HIPK3: variants seen among roughly 807,000 people sequenced by gnomAD.
The protein encoded by HIPK3 is homeodomain interacting protein kinase 3, also known as homeodomain-interacting protein kinase 3.
A neutral mutation model predicts 124.2 loss-of-function variants in HIPK3; 47 were observed. That is an observed-to-expected ratio of 0.38 (90% CI 0.30 to 0.48). The LOEUF (loss-of-function observed/expected upper bound fraction) is 0.48. HIPK3 is among the 20% of genes least tolerant of loss of function. The pLI is 0.98. For synonymous variants in HIPK3, 482 were observed against 515.2 expected (o/e 0.94, Z 0.87); for missense variants, 1,286 against 1,454.3 (o/e 0.88, Z 1.88).
At chr11:33,325,154 A>T (rs1453945054) in intron 2 of HIPK3, among the ~76,000 whole-genome samples, 1 of 152,192 alleles carries the variant, frequency 6.6e-6, no homozygotes, top group Non-Finnish European at 1.5e-5. Flanking sequence ...TAGAAACTTG[A>T]CTTATTCATT....
chr11:33,313,774 G>A (rs1340140496), intron 2 of HIPK3, among the ~76,000 whole-genome samples: 1 of 152,174 alleles, frequency 6.6e-6, no homozygotes, highest in East Asian at 1.9e-4. Context: ...GAACCAGAGT[G>A]TCATTTTCTA....
chr11:33,335,563 G>C (rs1024845398), intron 3 of HIPK3: 7 of 152,112 alleles, frequency 4.6e-5, no homozygotes, highest in African/African-American at 2.4e-5. Context: ...GCAGTGTGTT[G>C]AGGTGTGAAT....
At chr11:33,324,726 T>C (rs1852761726) in intron 2 of HIPK3, among the ~76,000 whole-genome samples, 1 of 152,226 alleles carries the variant, frequency 6.6e-6, no homozygotes, top group East Asian at 1.9e-4. Context: ...CTCATACAGA[T>C]AATGTTTGCT....
intron 1 of HIPK3, among the ~76,000 whole-genome samples, chr11:33,272,928 A>G (rs534951545): frequency 3.3e-5 from 5 of 150,668 alleles, no homozygotes; most frequent in Non-Finnish European, 7.4e-5. Context: ...CAGCCAAGCA[A>G]CCTCAAACTC....
chr11:33,263,348 G>A (rs1274914961), intron 1 of HIPK3, among the ~76,000 whole-genome samples: 3 of 152,040 alleles, frequency 2.0e-5, no homozygotes, highest in Admixed American at 6.6e-5. Context: ...ACAGGGCCTC[G>A]CTCTGTCACC....
rs1195017943 is a variant in HIPK3, at chr11:33,355,384, T to C, written c.*1816T>C. 1.3e-5 allele frequency: 2 copies of C among 152,090 alleles called. No homozygotes were observed. Among genetic ancestry groups the C allele is most frequent in the Non-Finnish European group, 2.9e-5 (2 of 67,912 alleles). The allele number at this position is 152,090 out of a possible 1,614,324, so 9.4% of individuals were successfully genotyped here. ...TGGATGTATCAGTGTAACTTAATTT[T>C]TTATTTTCATACTGGCATTGTAGAC... On this transcript the variant is annotated 3_prime_UTR_variant, in exon 17 of 17. Transcript: ENST00000303296.
chr11:33,340,675 G>A (rs746063343), intron 6 of HIPK3, among the ~76,000 whole-genome samples: 23 of 134,548 alleles, frequency 1.7e-4, no homozygotes, highest in Non-Finnish European at 2.6e-4. Context: ...TCGAAATTTC[G>A]GAAAAAGTTT....
At chr11:33,260,628 T>C (rs1018054002) in intron 1 of HIPK3, among the ~76,000 whole-genome samples, 1 of 152,212 alleles carries the variant, frequency 6.6e-6, no homozygotes, top group East Asian at 1.9e-4. Context: ...AATTGCACTA[T>C]TGGTGGTTAA....
chr11:33,306,245 T>TA (rs896887535), intron 2 of HIPK3, among the ~76,000 whole-genome samples: 1 of 152,190 alleles, frequency 6.6e-6, no homozygotes, highest in South Asian at 2.1e-4. Flanking sequence ...AAAATAAAAT[T>TA]ATACTTCTAA....
At chr11:33,272,362 A>G (rs1247503511) in intron 1 of HIPK3, among the ~76,000 whole-genome samples, 6 of 151,742 alleles carry the variant, frequency 4.0e-5, no homozygotes, top group Admixed American at 2.6e-4. Context: ...TCGCGCCACT[A>G]CACTCTAGCC....
chr11:33,347,227 A>T, intron 8 of HIPK3, 66 bp from the exon 9 acceptor site: 1 of 1,449,590 alleles, frequency 6.9e-7, no homozygotes, highest in Non-Finnish European at 9.4e-7. Flanking sequence ...TGACATTTAA[A>T]ATAATTGTAT....
At chr11:33,324,760 C>A (rs928717893) in intron 2 of HIPK3, among the ~76,000 whole-genome samples, 2 of 152,156 alleles carry the variant, frequency 1.3e-5, no homozygotes, top group East Asian at 3.9e-4. Context: ...TTGGCCTATC[C>A]GAGACTTTCT....
chr11:33,302,867 C>T (rs894505785), intron 2 of HIPK3, among the ~76,000 whole-genome samples: 5 of 152,030 alleles, frequency 3.3e-5, no homozygotes, highest in Non-Finnish European at 7.4e-5. Flanking sequence ...TATCCTCTTT[C>T]CTTAGGTGTG....
At position 33,354,558 on chromosome 11, in the gene HIPK3, T is replaced by G. The variant is rs1334174209; in HGVS notation, c.*990T>G. On this transcript the variant is annotated 3_prime_UTR_variant, in exon 17 of 17. Coordinates refer to ENST00000303296, the MANE Select transcript of HIPK3 (RefSeq NM_005734.5). ...TTTGGGTAGATAATAAAATGCAAAA[T>G]GCTCATTGATTCATGATGTGGTTTT... The G allele has an allele frequency of 6.6e-6, 1 of 152,570 alleles. No homozygotes were observed. The allele number at this position is 152,570 out of a possible 1,614,324, so 9.5% of individuals were successfully genotyped here. A position where few individuals can be genotyped will look rare whatever the true frequency, so the allele number is the denominator to read the frequency against.
chr11:33,286,823 C>T lies in HIPK3; in HGVS notation c.409C>T (p.His137Tyr), dbSNP rs1851569331. The T allele has an allele frequency of 6.2e-7, 1 of 1,614,032 alleles. No individual in the cohort carries two copies. Among genetic ancestry groups the T allele is most frequent in the Non-Finnish European group, 8.5e-7 (1 of 1,180,044 alleles). The change falls in exon 2 of 17, where the codon CAT (histidine) becomes TAT (tyrosine). Residue 137 changes from histidine to tyrosine, a missense_variant. By Grantham distance (83) the His-to-Tyr change is moderately conservative (BLOSUM62 2). Transcript: ENST00000303296. ...GCGCAAGAGTGAGGAGTTGGATAAT[C>T]ATAGCAGCGCAATGCAGATTGTCGA... ...LKRKSEELDN[H>Y]SSAMQIVDEL...
chr11:33,267,447 G>A (rs1182705150), intron 1 of HIPK3, among the ~76,000 whole-genome samples: 1 of 150,150 alleles, frequency 6.7e-6, no homozygotes, highest in Admixed American at 6.7e-5. Context: ...TGTTGAACCT[G>A]CTAGCTGTAA....
chr11:33,356,957 CAAAAT>C lies in HIPK3; in HGVS notation c.*3392_*3396del, dbSNP rs1188568923. The C allele has an allele frequency of 6.6e-6, 1 of 151,964 alleles. No homozygotes were observed. Among genetic ancestry groups the C allele is most frequent in the Non-Finnish European group, 1.5e-5 (1 of 67,924 alleles). 9.4% of individuals were successfully genotyped at this position (151,964 alleles called of 1,614,324 possible). ...TCCAGGTGACTATTTTGGTGAGTGT[CAAAAT>C]AAGAATTTATGGTGTATTACTGTCG... On this transcript the variant is annotated 3_prime_UTR_variant, in exon 17 of 17. Coordinates refer to ENST00000303296, the MANE Select transcript of HIPK3 (RefSeq NM_005734.5).
chr11:33,332,334 A>G (rs1853010968), intron 3 of HIPK3, among the ~76,000 whole-genome samples: 1 of 152,140 alleles, frequency 6.6e-6, no homozygotes, highest in Non-Finnish European at 1.5e-5. Flanking sequence ...GATCCTACCC[A>G]CCAATTGTTA....
chr11:33,347,616 T>C lies in HIPK3; in HGVS notation c.2020-13T>C. On this transcript the variant is annotated splice_polypyrimidine_tract_variant and intron_variant, in intron 9 of 16. Coordinates refer to ENST00000303296, the MANE Select transcript of HIPK3 (RefSeq NM_005734.5). The stretch of plus-strand genomic sequence containing the variant: ...ACTTGTTATTTTCTATTGTTTTGCT[T>C]TGCTGCAAGCAGACGTGGTCTGGTA... 6.2e-7 allele frequency: 1 copy of C among 1,610,680 alleles called. No individual in the cohort carries two copies. The highest frequency in any genetic ancestry group is 8.5e-7 in the Non-Finnish European group (1 of 1,178,048).
Sources: gnomAD v4.1 joint callset for allele counts (sites outside exome capture counted in the v4.1 genomes callset) on GRCh38, gnomAD v4.1.1 for gene constraint, MANE v1.5 for transcripts, NCBI Gene and HGNC (gene_info 2026-07-23, HGNC 2026-07-21) for gene names.